STARD13: variants seen among roughly 807,000 people sequenced by gnomAD.
STARD13 encodes stAR-related lipid transfer protein 13.
In STARD13, 62 loss-of-function variants were observed where a neutral mutation model predicts 106.4. That is an observed-to-expected ratio of 0.58 (90% CI 0.48 to 0.72). STARD13 has a LOEUF of 0.72. STARD13 is among the 30% of genes least tolerant of loss of function. STARD13 has a pLI of 0.00. For missense variants in STARD13, 1,387 were observed against 1,424.0 expected, an observed-to-expected ratio of 0.97 and a Z score of 0.42; for synonymous variants, 565 against 553.0, an observed-to-expected ratio of 1.02 and a Z score of -0.31.
chr13:33,200,081 G>A (rs1339803433), intron 1 of STARD13, among the ~76,000 whole-genome samples: 1 of 152,220 alleles, frequency 6.6e-6, no homozygotes, highest in African/African-American at 2.4e-5. Context: ...GGATCCTCTT[G>A]CCCTTTGCTG....
the STARD13 span, among the ~76,000 whole-genome samples, chr13:33,675,965 A>C: frequency 6.6e-6 from 1 of 152,222 alleles, no homozygotes; most frequent in Non-Finnish European, 1.5e-5. Flanking sequence ...TTTCTACAGG[A>C]AGATCGGATT....
intron 4 of STARD13, among the ~76,000 whole-genome samples, chr13:33,140,305 C>T (rs1481450800): frequency 6.6e-6 from 1 of 152,196 alleles, no homozygotes. Context: ...ATAGACCAGC[C>T]ATTTGAGGAG....
chr13:33,599,127 G>C, the STARD13 span, among the ~76,000 whole-genome samples: 1 of 152,126 alleles, frequency 6.6e-6, no homozygotes, highest in Non-Finnish European at 1.5e-5. Flanking sequence ...ATTGCGCTGG[G>C]TTTTATTTTA....
the STARD13 span, among the ~76,000 whole-genome samples, chr13:33,627,160 A>T: frequency 6.6e-6 from 1 of 152,220 alleles, no homozygotes; most frequent in Admixed American, 6.5e-5. Context: ...GACTTTCCCA[A>T]GTAGCAGAAT....
chr13:33,496,296 T>C, the STARD13 span, among the ~76,000 whole-genome samples: 1 of 150,018 alleles, frequency 6.7e-6, no homozygotes, highest in African/African-American at 2.4e-5. Context: ...CTTTATTCTT[T>C]TATAAATTAA....
the STARD13 span, among the ~76,000 whole-genome samples, chr13:33,385,385 A>G: frequency 6.7e-6 from 1 of 148,232 alleles, no homozygotes; most frequent in Non-Finnish European, 1.5e-5. Context: ...AGCACAGGAA[A>G]AAAGTAAAAT....
At position 33,105,476 on chromosome 13, in the gene STARD13, A is replaced by G; in HGVS notation, c.*117T>C. The G allele has an allele frequency of 1.4e-6, 1 of 703,418 alleles. No homozygotes were observed. Among genetic ancestry groups the G allele is most frequent in the Non-Finnish European group, 2.5e-6 (1 of 402,026 alleles). The allele number at this position is 703,418 out of a possible 1,614,324, so 43.6% of individuals were successfully genotyped here. ...CCAACTTCTTAACGTTTCCATTTTT[A>G]GGCATTAACCGCGTCCTTCAGTTCC... On this transcript the variant is annotated 3_prime_UTR_variant, in exon 14 of 14. Coordinates refer to ENST00000336934, the MANE Select transcript of STARD13 (RefSeq NM_178006.4).
At chr13:33,356,800 T>G in the STARD13 span, among the ~76,000 whole-genome samples, 4 of 152,218 alleles carry the variant, frequency 2.6e-5, no homozygotes, top group Non-Finnish European at 5.9e-5. Flanking sequence ...AGCCTCATGC[T>G]AAACAGCAAG....
the STARD13 span, among the ~76,000 whole-genome samples, chr13:33,396,080 T>G: frequency 1.3e-5 from 2 of 152,206 alleles, no homozygotes; most frequent in South Asian, 4.1e-4. Flanking sequence ...TTCGAACTCC[T>G]GGGTTCAAGT....
At chr13:33,559,508 G>A in the STARD13 span, among the ~76,000 whole-genome samples, 1 of 151,426 alleles carries the variant, frequency 6.6e-6, no homozygotes, top group Non-Finnish European at 1.5e-5. Flanking sequence ...AGGCAATGAG[G>A]TTTAGATGAG....
the STARD13 span, among the ~76,000 whole-genome samples, chr13:33,582,066 A>T: frequency 2.9e-5 from 4 of 138,660 alleles, no homozygotes; most frequent in African/African-American, 1.1e-4. Flanking sequence ...TAAAAATACA[A>T]AAAAAATTAG....
At chr13:33,301,743 T>C (rs982718132) in intron 1 of STARD13, among the ~76,000 whole-genome samples, 30 of 152,074 alleles carry the variant, frequency 2.0e-4, no homozygotes, top group South Asian at 8.3e-4. Flanking sequence ...AATATTTTTG[T>C]ATTTTTGGTA....
At chr13:33,156,794 A>T (rs901128298) in intron 3 of STARD13, among the ~76,000 whole-genome samples, 2 of 152,240 alleles carry the variant, frequency 1.3e-5, no homozygotes, top group African/African-American at 4.8e-5. Context: ...CTGGTATATA[A>T]TAAGCACTTT....
At chr13:33,207,726 A>G (rs1387905884) in intron 1 of STARD13, among the ~76,000 whole-genome samples, 1 of 152,158 alleles carries the variant, frequency 6.6e-6, no homozygotes, top group African/African-American at 2.4e-5. Context: ...ACATCCCTTT[A>G]ATGAAAGCAC....
the STARD13 span, among the ~76,000 whole-genome samples, chr13:33,600,481 T>C: frequency 2.6e-5 from 4 of 152,212 alleles, no homozygotes; most frequent in African/African-American, 9.6e-5. Context: ...AACATGCATA[T>C]CTGTCTGTTT....
intron 1 of STARD13, among the ~76,000 whole-genome samples, chr13:33,186,381 G>A (rs889459790): frequency 2.6e-5 from 4 of 152,168 alleles, no homozygotes; most frequent in East Asian, 1.9e-4. Flanking sequence ...CTCTCCTCTC[G>A]TAAAGAAACA....
At chr13:33,430,990 C>A in the STARD13 span, among the ~76,000 whole-genome samples, 53 of 152,266 alleles carry the variant, frequency 3.5e-4, 1 homozygote, top group South Asian at 0.01. Flanking sequence ...ATAAATAAAA[C>A]CTACTATTCT....
intron 1 of STARD13, among the ~76,000 whole-genome samples, chr13:33,220,207 A>G (rs138621374): frequency 7.6e-4 from 116 of 152,292 alleles, no homozygotes; most frequent in African/African-American, 2.8e-3. Context: ...TAGCTGATAT[A>G]GCAAACTGAA....
chr13:33,658,568 C>A, the STARD13 span, among the ~76,000 whole-genome samples: 1 of 152,186 alleles, frequency 6.6e-6, no homozygotes, highest in Non-Finnish European at 1.5e-5. Context: ...TCTGGAGTAT[C>A]TTTTTCTCAA....
Sources: gnomAD v4.1 joint callset for allele counts (sites outside exome capture counted in the v4.1 genomes callset) on GRCh38, gnomAD v4.1.1 for gene constraint, MANE v1.5 for transcripts, NCBI Gene and HGNC (gene_info 2026-07-23, HGNC 2026-07-21) for gene names.